Variants in DHX38 observed in about 807,000 individuals in gnomAD.
The protein encoded by DHX38 is DEAH-box helicase 38, also known as pre-mRNA-splicing factor ATP-dependent RNA helicase PRP16.
In DHX38, 100 loss-of-function variants were observed where a neutral mutation model predicts 153.1. The observed-to-expected ratio is 0.65, with a 90% CI of 0.56 to 0.77. The LOEUF is 0.77. Ranked by LOEUF, DHX38 falls within the 30% of genes least tolerant of loss-of-function variation. The pLI, the probability that DHX38 is intolerant of heterozygous loss-of-function variation, is 0.00. For missense variants in DHX38, 1,440 were observed against 1,654.0 expected, an observed-to-expected ratio of 0.87 and a Z score of 2.24; for synonymous variants, 650 against 631.7, an observed-to-expected ratio of 1.03 and a Z score of -0.43.
chr16:72,100,670 C>G (rs2042087244), intron 9 of DHX38, 73 bp downstream of exon 9: 1 of 1,567,104 alleles, frequency 6.4e-7, no homozygotes. Flanking sequence ...GTGGCTCATG[C>G]CTGTCATCCC....
intron 10 of DHX38, 57 bp downstream of exon 10, chr16:72,101,250 C>A: frequency 6.3e-7 from 1 of 1,588,570 alleles, no homozygotes; most frequent in Admixed American, 1.7e-5. Flanking sequence ...CTTTTTTCTT[C>A]TCTTCATAAG....
chr16:72,103,578 C>G lies in DHX38; in HGVS notation c.1638-24C>G, dbSNP rs374191204. ...TTGGCCTTCCACTTCGGCTGATAAG[C>G]CCTTTGCCTGCTTGTCCTTGTAGAG... is the stretch of plus-strand genomic sequence containing the variant. On this transcript the variant is annotated intron_variant, in intron 12 of 26. Coordinates refer to ENST00000268482, the MANE Select transcript of DHX38 (RefSeq NM_014003.4). 6 of 1,593,442 alleles carry G rather than the reference C, an allele frequency of 3.8e-6. No individual in the cohort carries two copies. In the African/African-American group the frequency reaches 8.0e-5, roughly 21 times the overall value.
At chr16:72,111,565 C>T (rs893801671) in intron 26 of DHX38, among the ~76,000 whole-genome samples, 15 of 152,154 alleles carry the variant, frequency 9.9e-5, no homozygotes, top group Admixed American at 2.6e-4. Flanking sequence ...TTCAGAACTC[C>T]GGAGAGTGCC....
Position 72,104,768 on chromosome 16 carries a change from C to A in DHX38, c.2151+142C>A. ...ACCATGGGGCAAATGGGGCAGCCTG[C>A]AGCTCTGGGACTCGGGGACAAAGGA... On this transcript the variant is annotated intron_variant, in intron 15 of 26. Transcript: ENST00000268482. This position sits in a 1 kb window ranked among gnomAD's most constrained non-coding sequence, Gnocchi z 4.5. The A allele has an allele frequency of 8.2e-7, 1 of 1,219,694 alleles. No homozygotes were observed. Among genetic ancestry groups the A allele is most frequent in the Non-Finnish European group, 1.2e-6 (1 of 860,030 alleles). 75.6% of individuals were successfully genotyped at this position (1,219,694 alleles called of 1,614,324 possible).
Position 72,106,064 on chromosome 16 carries a change from T to C in DHX38, c.2547T>C (p.Asn849=). 6.2e-7 allele frequency: 1 copy of C among 1,614,232 alleles called. No individual in the cohort carries two copies. The highest frequency in any genetic ancestry group is 8.5e-7 in the Non-Finnish European group (1 of 1,180,036). Residue 849 remains asparagine, a synonymous_variant, in exon 19 of 27, where the codon AAT becomes AAC. Coordinates refer to ENST00000268482, the MANE Select transcript of DHX38 (RefSeq NM_014003.4). ...ALQIYPISQA[N]ANQRSGRAGR... The stretch of plus-strand genomic sequence containing the variant: ...AGATCTATCCCATTAGCCAGGCCAA[T>C]GCCAACCAGCGGTCAGGGCGAGCCG...
At position 72,104,631 on chromosome 16, in the gene DHX38, T is replaced by C. The variant is rs1450503933; in HGVS notation, c.2151+5T>C. 1.2e-5 allele frequency: 19 copies of C among 1,613,974 alleles called. No individual in the cohort carries two copies. Among genetic ancestry groups the C allele is most frequent in the Non-Finnish European group, 1.6e-5 (19 of 1,180,022 alleles). On this transcript the variant is annotated splice_donor_5th_base_variant and intron_variant, in intron 15 of 26. Coordinates refer to ENST00000268482, the MANE Select transcript of DHX38 (RefSeq NM_014003.4). The surrounding 1 kb of genome is among the most constrained non-coding windows in gnomAD (Gnocchi z 4.5). Reference sequence around the variant, plus strand: ...GTTGACATCCTCTTCAGCAAGGTATTGAGGCCACCATGTTACGAACTGACC... The same window carrying C: ...GTTGACATCCTCTTCAGCAAGGTATCGAGGCCACCATGTTACGAACTGACC...
Position 72,097,524 on chromosome 16 carries a change from G to A in DHX38, c.512-153G>A, listed in dbSNP as rs567680073. ...AACTATTTTTCCCCCTTGGGAGAAT[G>A]GGGATAGGTGAGTTTCAGGAGTCCA... On this transcript the variant is annotated intron_variant, in intron 3 of 26. Transcript: ENST00000268482. 35 of 628,378 alleles carry A rather than the reference G, an allele frequency of 5.6e-5. 1 individual carries two copies. The South Asian group carries it at 8.2e-4, about 15-fold the overall frequency. 38.9% of individuals were successfully genotyped at this position (628,378 alleles called of 1,614,324 possible).
chr16:72,096,996 C>A lies in DHX38; in HGVS notation c.498C>A (p.Arg166=), dbSNP rs777674693. ...AATCGCGGGATCGAGACTATGACCG[C>A]AAGAGGGACAGAGGTAAACTGTCCA... ...KEKSRDRDYD[R]KRDRDERDRS... Residue 166 remains arginine, a synonymous_variant, in exon 3 of 27, where the codon CGC becomes CGA. Transcript: ENST00000268482. The A allele has an allele frequency of 1.9e-6, 3 of 1,613,728 alleles. No individual in the cohort carries two copies. The highest frequency in any genetic ancestry group is 2.5e-6 in the Non-Finnish European group (3 of 1,179,814).
rs775116319 is a variant in DHX38 at position 72,103,775 on chromosome 16, A to G, written c.1811A>G (p.Asn604Ser). 10 of 1,610,638 alleles carry G rather than the reference A, an allele frequency of 6.2e-6. No homozygotes were observed. The highest frequency in any genetic ancestry group is 1.1e-5 in the South Asian group (1 of 91,026). Residue 604 changes from asparagine to serine, a missense_variant, in exon 13 of 27, where the codon AAC becomes AGC. Physicochemically the swap from Asn to Ser is conservative, Grantham distance 46. Transcript: ENST00000268482. ...AKRVSEEMGG[N>S]LGEEVGYAIR... ...AGAGTCAGTGAAGAGATGGGGGGAA[A>G]CCTTGGCGAGGAGGTGAGTGGGCGT...
rs1250200192 is a variant in DHX38, at chr16:72,107,205, G to C, written c.2601-135G>C. 3.4e-6 allele frequency: 3 copies of C among 894,030 alleles called. No homozygotes were observed. The South Asian group carries it at 5.1e-5, about 15-fold the overall frequency. 55.4% of individuals were successfully genotyped at this position (894,030 alleles called of 1,614,324 possible). ...ATTGGCAGATTGGAGTTTTGAATAG[G>C]TGGAAGTCAGTGATTCACTGAAGTA... On this transcript the variant is annotated intron_variant, in intron 19 of 26. Coordinates refer to ENST00000268482, the MANE Select transcript of DHX38 (RefSeq NM_014003.4). This position sits in a 1 kb window ranked among gnomAD's most constrained non-coding sequence, Gnocchi z 5.3.
At chr16:72,097,894 C>A in intron 4 of DHX38, 113 bp downstream of exon 4, 2 of 1,007,632 alleles carry the variant, frequency 2.0e-6, no homozygotes, top group Non-Finnish European at 3.0e-6. Flanking sequence ...CCCGATTCTA[C>A]CATGAACATC....
rs374277527 is a variant in DHX38, at chr16:72,105,543, C to A, written c.2406C>A (p.Ile802=). The A allele has an allele frequency of 9.9e-6, 16 of 1,614,140 alleles. No homozygotes were observed. In the South Asian group the frequency reaches 1.5e-4, roughly 16 times the overall value. Residue 802 remains isoleucine, a synonymous_variant, in exon 18 of 27, where the codon ATC becomes ATA. Transcript: ENST00000268482. ...CTCCAGATGGCGTTCGGAAGTGCAT[C>A]GTTGCCACCAATATTGCCGAGACGT... ...QKAPDGVRKC[I]VATNIAETSL...
chr16:72,106,154 G>C lies in DHX38; in HGVS notation c.2600+37G>C, dbSNP rs376812552. 1.1e-5 allele frequency: 18 copies of C among 1,596,266 alleles called. No individual in the cohort carries two copies. In the African/African-American group the frequency reaches 2.1e-4, roughly 19 times the overall value. On this transcript the variant is annotated intron_variant, in intron 19 of 26. Coordinates refer to ENST00000268482, the MANE Select transcript of DHX38 (RefSeq NM_014003.4). The stretch of plus-strand genomic sequence containing the variant: ...GTGCTAGCCTGCTTTCTGGGGCAGC[G>C]CTGGGGTTGCTGAGCGTGGAGCCCG...
intron 1 of DHX38, among the ~76,000 whole-genome samples, chr16:72,094,801 C>T (rs946442395): frequency 6.6e-6 from 1 of 152,202 alleles, no homozygotes; most frequent in Non-Finnish European, 1.5e-5. Context: ...TTTTGCTAGA[C>T]ATTGAGCTAC....
rs1597450389 is a variant in DHX38, at chr16:72,110,960, A to C, written c.3482A>C (p.Asn1161Thr). ...VKQAGKSRQE[N>T]RRRAKEEASA... is the part of the protein sequence containing the mutation. ...AGGTCTGTCCCTCTTCAATAGGAGA[A>C]CCGTCGTCGGGCCAAAGAGGAAGCC... is the stretch of plus-strand genomic sequence containing the variant. The change falls in exon 26 of 27, where the codon AAC (asparagine) becomes ACC (threonine). Residue 1161 changes from asparagine to threonine, a missense_variant. Transcript: ENST00000268482. 1 of 1,587,498 alleles carries C rather than the reference A, an allele frequency of 6.3e-7. No individual in the cohort carries two copies.
intron 3 of DHX38, chr16:72,097,300 A>G (rs904795552): frequency 9.1e-5 from 36 of 393,886 alleles, no homozygotes; most frequent in Non-Finnish European, 1.6e-4. Flanking sequence ...TTCTAATAGT[A>G]TTGGTGATAG....
chr16:72,109,483 C>G lies in DHX38; in HGVS notation c.3450C>G (p.Ser1150Arg). The G allele has an allele frequency of 1.2e-6, 2 of 1,612,410 alleles. No homozygotes were observed. The highest frequency in any genetic ancestry group is 2.2e-5 in the East Asian group (1 of 44,726). The stretch of plus-strand genomic sequence containing the variant: ...CGGAGCTGGGCCCCATGTTCTATAG[C>G]GTGAAACAGGCGGGCAAGTCACGGC... ...WLAELGPMFY[S>R]VKQAGKSRQE... Residue 1150 changes from serine to arginine, a missense_variant, in exon 25 of 27, where the codon AGC becomes AGG. Ser to Arg is a moderately radical substitution (Grantham distance 110, BLOSUM62 -1). Coordinates refer to ENST00000268482, the MANE Select transcript of DHX38 (RefSeq NM_014003.4).
chr16:72,103,614 C>G lies in DHX38; in HGVS notation c.1650C>G (p.Ile550Met). ...ELLTIIRDNS[I>M]VIVVGETGSG... ...CTTGTCCTTGTAGAGACAACAGCAT[C>G]GTGATCGTGGTTGGGGAGACGGGGA... is the stretch of plus-strand genomic sequence containing the variant. Residue 550 changes from isoleucine (I) to methionine (M), a missense_variant, in exon 13 of 27, where the codon ATC becomes ATG. Transcript: ENST00000268482. 1 of 1,608,866 alleles carries G rather than the reference C, an allele frequency of 6.2e-7. No homozygotes were observed.
intron 25 of DHX38, 29 bp from the exon 26 acceptor site, chr16:72,110,927 G>T: frequency 6.4e-7 from 1 of 1,565,860 alleles, no homozygotes; most frequent in Admixed American, 1.9e-5. Flanking sequence ...TCCCCAGTAG[G>T]CTCAGCCAGG....
Sources: gnomAD v4.1 joint callset for allele counts (sites outside exome capture counted in the v4.1 genomes callset) on GRCh38, gnomAD v4.1.1 for gene constraint, Gnocchi (gnomAD v3.1) non-coding constraint, MANE v1.5 for transcripts, NCBI Gene and HGNC (gene_info 2026-07-23, HGNC 2026-07-21) for gene names.